Variants in KLRG1 observed in about 807,000 individuals in gnomAD.
KLRG1 encodes killer cell lectin-like receptor subfamily G member 1.
Under a neutral mutation model 21.8 loss-of-function variants are expected in KLRG1, and 16 were observed. The ratio of observed to expected loss-of-function variants is 0.73; its 90% CI spans 0.50 to 1.11. The LOEUF (loss-of-function observed/expected upper bound fraction) is 1.11, where lower values mean the gene tolerates loss of function less well. KLRG1 is among the 50% of genes most tolerant of loss of function. The pLI is 0.00. For synonymous variants in KLRG1, 69 were observed against 75.9 expected (o/e 0.91, Z 0.47); for missense variants, 173 against 218.3 (o/e 0.79, Z 1.31).
chr12:9,059,739 G>C, the KLRG1 span, among the ~76,000 whole-genome samples: 14 of 152,304 alleles, frequency 9.2e-5, no homozygotes, highest in South Asian at 2.9e-3. Context: ...AGGCTGGAGT[G>C]TGGTGACATG....
chr12:9,203,684 C>T, the KLRG1 span: 44 of 1,492,646 alleles, frequency 2.9e-5, no homozygotes, highest in South Asian at 4.8e-4. Context: ...CTTGGGATCG[C>T]ACACCAGAGC....
At chr12:9,088,755 T>C in the KLRG1 span, among the ~76,000 whole-genome samples, 2 of 152,264 alleles carry the variant, frequency 1.3e-5, no homozygotes, top group Non-Finnish European at 2.9e-5. Flanking sequence ...AATATGACAA[T>C]AATGGTAAAG....
the KLRG1 span, among the ~76,000 whole-genome samples, chr12:9,163,338 A>T: frequency 1.3e-5 from 2 of 151,356 alleles, no homozygotes; most frequent in Admixed American, 6.6e-5. Flanking sequence ...CTGTAGTCCC[A>T]GCTACTCGGG....
the KLRG1 span, among the ~76,000 whole-genome samples, chr12:9,087,966 A>C: frequency 2.6e-5 from 4 of 152,158 alleles, no homozygotes; most frequent in Non-Finnish European, 4.4e-5. Flanking sequence ...AAAAACCAAT[A>C]TAGGAAGACT....
chr12:9,184,399 G>A, the KLRG1 span, among the ~76,000 whole-genome samples: 2 of 152,188 alleles, frequency 1.3e-5, no homozygotes, highest in African/African-American at 2.4e-5. Context: ...ACCCACCAGT[G>A]CCCCACCCCC....
the KLRG1 span, among the ~76,000 whole-genome samples, chr12:9,139,556 C>T: frequency 5.3e-5 from 8 of 152,056 alleles, no homozygotes; most frequent in East Asian, 1.5e-3. Flanking sequence ...TTTTATTGCT[C>T]CCTATTTCTC....
chr12:9,121,323 A>G, the KLRG1 span, among the ~76,000 whole-genome samples: 1 of 152,186 alleles, frequency 6.6e-6, no homozygotes, highest in African/African-American at 2.4e-5. This position sits in a 1 kb window ranked among gnomAD's most constrained non-coding sequence, Gnocchi z 4.4. Flanking sequence ...CAGGTGGATC[A>G]TGAGGTCAAG....
chr12:9,074,480 TCTTGGATGTG>T, the KLRG1 span: 1 of 1,349,502 alleles, frequency 7.4e-7, no homozygotes, highest in Admixed American at 2.2e-5. Flanking sequence ...ATTTTTTTCT[TCTTGGATGTG>T]TTTGTTTCTT....
At chr12:9,080,856 A>T in the KLRG1 span, among the ~76,000 whole-genome samples, 1 of 152,200 alleles carries the variant, frequency 6.6e-6, no homozygotes, top group Non-Finnish European at 1.5e-5. Flanking sequence ...CATAAAATTC[A>T]TATTAAAATG....
chr12:9,166,807 G>A, the KLRG1 span, among the ~76,000 whole-genome samples: 2 of 152,176 alleles, frequency 1.3e-5, no homozygotes, highest in Non-Finnish European at 2.9e-5. Flanking sequence ...TGGAATGGCT[G>A]TGTGGTTCAG....
At chr12:9,132,188 G>C in the KLRG1 span, among the ~76,000 whole-genome samples, 1 of 152,310 alleles carries the variant, frequency 6.6e-6, no homozygotes, top group South Asian at 2.1e-4. Flanking sequence ...AATGGGCCTT[G>C]GTCCTCATCA....
At chr12:9,095,375 C>T in the KLRG1 span, among the ~76,000 whole-genome samples, 3 of 152,188 alleles carry the variant, frequency 2.0e-5, no homozygotes, top group Non-Finnish European at 4.4e-5. Flanking sequence ...CAGCTTAGTT[C>T]AGCAGCTTTT....
At chr12:9,077,005 A>G in the KLRG1 span, 8 of 1,428,668 alleles carry the variant, frequency 5.6e-6, no homozygotes, top group Non-Finnish European at 6.5e-6. Flanking sequence ...AGGCAAATAC[A>G]CGGATCACAG....
chr12:9,093,922 A>C, the KLRG1 span, among the ~76,000 whole-genome samples: 6 of 152,128 alleles, frequency 3.9e-5, no homozygotes, highest in South Asian at 2.1e-4. Flanking sequence ...CAAACAACAA[A>C]AAAAAACAAG....
the KLRG1 span, among the ~76,000 whole-genome samples, chr12:9,047,411 G>GT: frequency 9.9e-5 from 15 of 152,174 alleles, no homozygotes; most frequent in Non-Finnish European, 2.2e-4. Context: ...CACTGAAAAT[G>GT]TTTTTTTGAA....
chr12:9,067,139 T>G, the KLRG1 span: 1 of 152,464 alleles, frequency 6.6e-6, no homozygotes, highest in East Asian at 1.9e-4. Flanking sequence ...AGAAGAAAGA[T>G]GATCCAATAT....
At chr12:9,148,059 T>C in the KLRG1 span, among the ~76,000 whole-genome samples, 1 of 152,236 alleles carries the variant, frequency 6.6e-6, no homozygotes, top group Admixed American at 6.5e-5. Flanking sequence ...TTTTACCATC[T>C]GCTATACCTT....
the KLRG1 span, chr12:9,074,924 T>C: frequency 1.0e-6 from 1 of 955,718 alleles, no homozygotes; most frequent in Admixed American, 2.8e-5. Flanking sequence ...TTTCCCTTCA[T>C]GTAAATCTGA....
chr12:9,131,248 G>A, the KLRG1 span, among the ~76,000 whole-genome samples: 4 of 152,118 alleles, frequency 2.6e-5, no homozygotes, highest in African/African-American at 9.7e-5. Context: ...TTCCAAAGTT[G>A]TTTTGGCTAT....
Sources: gnomAD v4.1 joint callset for allele counts (sites outside exome capture counted in the v4.1 genomes callset) on GRCh38, gnomAD v4.1.1 for gene constraint, Gnocchi (gnomAD v3.1) non-coding constraint, MANE v1.5 for transcripts, NCBI Gene and HGNC (gene_info 2026-07-23, HGNC 2026-07-21) for gene names.